The following N4BP2 variants were observed in gnomAD, a reference collection of about 807,000 sequenced individuals.
N4BP2 encodes NEDD4-binding protein 2.
Under a neutral mutation model 152.8 loss-of-function variants are expected in N4BP2, and 91 were observed. The observed-to-expected ratio is 0.60, with a 90% confidence interval of 0.50 to 0.71. The LOEUF (loss-of-function observed/expected upper bound fraction) is 0.71. N4BP2 is among the 30% of genes least tolerant of loss of function. The probability of loss-of-function intolerance (pLI) is 0.00; values close to 1 mark genes in which losing one functional copy is unlikely to be tolerated. For missense variants in N4BP2, 1,923 were observed against 2,059.1 expected (o/e 0.93, Z 1.28); for synonymous variants, 646 against 705.3 (o/e 0.92, Z 1.33).
chr4:40,092,007 A>ATT (rs1553920270), intron 2 of N4BP2, among the ~76,000 whole-genome samples: 26 of 33,312 alleles, frequency 7.8e-4, no homozygotes, highest in African/African-American at 2.9e-3. Context: ...AAAAAAAAAA[A>ATT]TTATATATAT....
rs199547659 is a variant in N4BP2, at chr4:40,102,880, G to A, written c.1035G>A (p.Pro345=). 3 of 1,614,136 alleles carry A rather than the reference G, an allele frequency of 1.9e-6. No individual in the cohort carries two copies. The highest frequency in any genetic ancestry group is 1.3e-5 in the African/African-American group (1 of 75,030). The change falls in exon 4 of 18, where the codon CCG becomes CCA. Residue 345 remains proline (P), a synonymous_variant. Transcript: ENST00000261435. Reference sequence around the variant, plus strand: ...AGGGGAAGGATGTGAGTTACTGCCCGGTACTTGCTCCTCTCCCATTGCTGT... The same window carrying A: ...AGGGGAAGGATGTGAGTTACTGCCCAGTACTTGCTCCTCTCCCATTGCTGT... The part of the protein sequence containing the change: ...PTKGKDVSYC[P]VLAPLPLLLP...
chr4:40,092,011 TATA>T (rs1251085224), intron 2 of N4BP2, among the ~76,000 whole-genome samples: 98 of 30,196 alleles, frequency 3.2e-3, no homozygotes, highest in African/African-American at 5.1e-3. Context: ...AAAAAAATTA[TATA>T]TATATATATA....
At position 40,103,067 on chromosome 4, in the gene N4BP2, A is replaced by G; in HGVS notation, c.1222A>G (p.Thr408Ala). 1 of 1,614,192 alleles carries G rather than the reference A, an allele frequency of 6.2e-7. No homozygotes were observed. Among genetic ancestry groups the G allele is most frequent in the Non-Finnish European group, 8.5e-7 (1 of 1,180,014 alleles). ...CTCAGTTATTTCTCACACTTCCCCA[A>G]CAAAAGTATGGAGAAATAAAGATGG... ...PPSVISHTSP[T>A]KVWRNKDGTS... Residue 408 changes from threonine (T) to alanine (A), a missense_variant, in exon 4 of 18, where the codon ACA becomes GCA. By Grantham distance (58) the Thr-to-Ala change is moderately conservative (BLOSUM62 0). Coordinates refer to ENST00000261435, the MANE Select transcript of N4BP2 (RefSeq NM_018177.6).
At chr4:40,171,362 T>G in the N4BP2 span, among the ~76,000 whole-genome samples, 2 of 152,202 alleles carry the variant, frequency 1.3e-5, no homozygotes, top group Non-Finnish European at 2.9e-5. Flanking sequence ...CTGTTGAGCC[T>G]GGTGTTGGTG....
Position 40,102,760 on chromosome 4 carries a change from A to G in N4BP2, c.915A>G (p.Thr305=), listed in dbSNP as rs1213745060. 2 of 1,614,152 alleles carry G rather than the reference A, an allele frequency of 1.2e-6. No homozygotes were observed. Among genetic ancestry groups the G allele is most frequent in the Non-Finnish European group, 1.7e-6 (2 of 1,180,010 alleles). Residue 305 remains threonine, a synonymous_variant, in exon 4 of 18, where the codon ACA becomes ACG. Transcript: ENST00000261435. ...LNLPGLDLPG[T]GGDQKSTRVS... Reference sequence around the variant, plus strand: ...TTCCAGGGCTTGATTTACCAGGTACAGGTGGGGATCAGAAATCTACTCGGG... The same window carrying G: ...TTCCAGGGCTTGATTTACCAGGTACGGGTGGGGATCAGAAATCTACTCGGG...
chr4:40,126,235 C>G lies in N4BP2; in HGVS notation c.4432C>G (p.Leu1478Val). ...LLKTLTASEM[L>V]PLLDHWNTQT... is the part of the protein sequence containing the mutation. ...GAAGACTTTAACAGCATCTGAAATG[C>G]TACCTTTATTGGATCATTGGAATAC... Residue 1478 changes from leucine to valine, a missense_variant, in exon 12 of 18, where the codon CTA becomes GTA. Physicochemically the swap from Leu to Val is conservative, Grantham distance 32. Coordinates refer to ENST00000261435, the MANE Select transcript of N4BP2 (RefSeq NM_018177.6). 1 of 1,606,626 alleles carries G rather than the reference C, an allele frequency of 6.2e-7. No individual in the cohort carries two copies. The highest frequency in any genetic ancestry group is 8.5e-7 in the Non-Finnish European group (1 of 1,175,670).
At chr4:40,088,196 A>G (rs1173545932) in intron 2 of N4BP2, among the ~76,000 whole-genome samples, 2 of 152,108 alleles carry the variant, frequency 1.3e-5, no homozygotes, top group Non-Finnish European at 2.9e-5. Context: ...CTACTGGAGG[A>G]CATGAGTTGT....
chr4:40,176,605 G>A, the N4BP2 span, among the ~76,000 whole-genome samples: 1 of 152,176 alleles, frequency 6.6e-6, no homozygotes, highest in Non-Finnish European at 1.5e-5. Flanking sequence ...GTGGCGACTG[G>A]GAGAAAACAC....
intron 12 of N4BP2, among the ~76,000 whole-genome samples, chr4:40,128,290 AG>A (rs1718604311): frequency 6.6e-6 from 1 of 152,248 alleles, no homozygotes; most frequent in Admixed American, 6.5e-5. Flanking sequence ...GACTGCACAA[AG>A]GAGCACCTTT....
Position 40,117,862 on chromosome 4 carries a change from T to C in N4BP2, c.1665-7T>C, listed in dbSNP as rs1378404655. 6.9e-6 allele frequency: 11 copies of C among 1,590,774 alleles called. No individual in the cohort carries two copies. The Admixed American group carries it at 2.0e-4, about 29-fold the overall frequency. ...CCTTCAACCCTTTTTTCCCCTGGAA[T>C]TTTCAGGCGTAACATTCATGGGGTA... On this transcript the variant is annotated splice_polypyrimidine_tract_variant and splice_region_variant and intron_variant, in intron 7 of 17. Transcript: ENST00000261435.
intron 1 of N4BP2, among the ~76,000 whole-genome samples, chr4:40,069,266 C>T (rs1173062903): frequency 2.0e-5 from 3 of 151,682 alleles, no homozygotes; most frequent in South Asian, 2.1e-4. Context: ...GGTGAAACTC[C>T]GTTTCTACAA....
At position 40,156,117 on chromosome 4, in the gene N4BP2, T is replaced by G. The variant is rs1172384289; in HGVS notation, c.*1880T>G. The G allele has an allele frequency of 2.6e-5, 4 of 152,212 alleles. No homozygotes were observed. The highest frequency in any genetic ancestry group is 3.8e-4 in the East Asian group (2 of 5,206). The allele number at this position is 152,212 out of a possible 1,614,324, so 9.4% of individuals were successfully genotyped here. A position where few individuals can be genotyped will look rare whatever the true frequency, so the allele number is the denominator to read the frequency against. ...TTGTTAATGAAATAAGATATTCCTA[T>G]GTATACATTAGTATGATTTAAGGGT... On this transcript the variant is annotated 3_prime_UTR_variant, in exon 18 of 18. Coordinates refer to ENST00000261435, the MANE Select transcript of N4BP2 (RefSeq NM_018177.6).
At chr4:40,178,569 A>AT in the N4BP2 span, among the ~76,000 whole-genome samples, 1 of 152,228 alleles carries the variant, frequency 6.6e-6, no homozygotes, top group African/African-American at 2.4e-5. Context: ...TAACGTGGGC[A>AT]TACTTTATCA....
Position 40,102,345 on chromosome 4 carries a change from C to T in N4BP2, c.500C>T (p.Ser167Leu). 1.2e-6 allele frequency: 2 copies of T among 1,612,962 alleles called. No homozygotes were observed. Among genetic ancestry groups the T allele is most frequent in the Non-Finnish European group, 1.7e-6 (2 of 1,179,684 alleles). ...GACCAAGTATACTCATTTTTGCCTT[C>T]ACAAGATGTTAATAGTTTTAATGAC... ...PDDQVYSFLP[S>L]QDVNSFNDSS... Residue 167 changes from serine (S) to leucine (L), a missense_variant, in exon 4 of 18, where the codon TCA (serine) becomes TTA (leucine). Ser to Leu is a moderately radical substitution (Grantham distance 145). Coordinates refer to ENST00000261435, the MANE Select transcript of N4BP2 (RefSeq NM_018177.6).
intron 13 of N4BP2, among the ~76,000 whole-genome samples, chr4:40,136,281 G>T (rs1169579326): frequency 6.6e-6 from 1 of 152,136 alleles, no homozygotes; most frequent in Non-Finnish European, 1.5e-5. Flanking sequence ...AGAAGAATAG[G>T]TGATAAAATG....
chr4:40,074,696 C>T (rs1054707503), intron 2 of N4BP2, among the ~76,000 whole-genome samples: 1 of 151,966 alleles, frequency 6.6e-6, no homozygotes, highest in Non-Finnish European at 1.5e-5. Flanking sequence ...TGAGTGTTTT[C>T]GTTTCTCTGC....
At chr4:40,112,904 A>G (rs539641555) in intron 6 of N4BP2, among the ~76,000 whole-genome samples, 3 of 152,276 alleles carry the variant, frequency 2.0e-5, no homozygotes, top group Middle Eastern at 3.4e-3. Context: ...GGATTTCACC[A>G]TGGTGGCCAG....
intron 2 of N4BP2, among the ~76,000 whole-genome samples, chr4:40,079,083 G>A (rs898388225): frequency 4.6e-5 from 7 of 151,782 alleles, no homozygotes; most frequent in Admixed American, 2.0e-4. Flanking sequence ...CACCACACTC[G>A]GCTAATTTTT....
chr4:40,142,618 A>C (rs1720126185), intron 14 of N4BP2, 55 bp from the exon 15 acceptor site: 2 of 1,317,878 alleles, frequency 1.5e-6, no homozygotes, highest in African/African-American at 3.0e-5. Context: ...GGTGTAAGGC[A>C]TGAGTTTTTT....
Sources: gnomAD v4.1 joint callset for allele counts (sites outside exome capture counted in the v4.1 genomes callset) on GRCh38, gnomAD v4.1.1 for gene constraint, MANE v1.5 for transcripts, NCBI Gene and HGNC (gene_info 2026-07-23, HGNC 2026-07-21) for gene names.